The following POLR3B variants were observed in gnomAD, a reference collection of about 807,000 sequenced individuals.
POLR3B encodes the protein DNA-directed RNA polymerase III subunit RPC2.
Under a neutral mutation model 147.4 loss-of-function variants are expected in POLR3B, and 96 were observed. That is an observed-to-expected ratio of 0.65 (90% CI 0.55 to 0.77). POLR3B has a LOEUF of 0.77. Among genes scored for constraint, POLR3B ranks in the 30% least tolerant of loss-of-function variants. The probability of loss-of-function intolerance (pLI) is 0.00; values close to 1 mark genes in which losing one functional copy is unlikely to be tolerated. For missense variants in POLR3B, 1,036 were observed against 1,413.5 expected, an observed-to-expected ratio of 0.73 and a Z score of 4.28; for synonymous variants, 461 against 485.9, an observed-to-expected ratio of 0.95 and a Z score of 0.67.
intron 10 of POLR3B, 98 bp downstream of exon 10, chr12:106,393,251 A>G: frequency 1.3e-6 from 2 of 1,535,788 alleles, no homozygotes; most frequent in Non-Finnish European, 1.8e-6. Flanking sequence ...TTGGGCTCAT[A>G]GATTTGGGAA....
chr12:106,461,622 C>T (rs1381834907), intron 22 of POLR3B, among the ~76,000 whole-genome samples: 1 of 152,182 alleles, frequency 6.6e-6, no homozygotes, highest in Non-Finnish European at 1.5e-5. Flanking sequence ...CCTTGTACCC[C>T]CTAGTCTCTG....
At chr12:106,424,296 A>G (rs1027682776) in intron 12 of POLR3B, among the ~76,000 whole-genome samples, 2 of 152,106 alleles carry the variant, frequency 1.3e-5, no homozygotes, top group Admixed American at 6.6e-5. Flanking sequence ...GGGTGGTGGG[A>G]GTATATCCTA....
intron 11 of POLR3B, among the ~76,000 whole-genome samples, chr12:106,406,237 A>G (rs1234110517): frequency 6.6e-6 from 1 of 152,166 alleles, no homozygotes; most frequent in Non-Finnish European, 1.5e-5. Context: ...TTATATTCAT[A>G]CATACATTAG....
chr12:106,499,544 T>A lies in POLR3B; in HGVS notation c.2985-1779T>A, dbSNP rs895877599. Among the ~76,000 whole-genome samples the A allele has an allele frequency of 5.3e-5, 8 of 152,160 alleles. 1 individual carries two copies. The highest frequency in any genetic ancestry group is 4.6e-4 in the Admixed American group (7 of 15,282). On this transcript the variant is annotated intron_variant, in intron 25 of 27. Coordinates refer to ENST00000228347, the MANE Select transcript of POLR3B (RefSeq NM_018082.6). ...GAACATAGATAGGTAGGAGGAAAAATTGCATATAGCTTTACTCTGTGGATG... is the reference window on the plus strand; with the variant it reads ...GAACATAGATAGGTAGGAGGAAAAAATGCATATAGCTTTACTCTGTGGATG...
chr12:106,485,471 G>A (rs1438532511), intron 23 of POLR3B, among the ~76,000 whole-genome samples: 1 of 152,172 alleles, frequency 6.6e-6, no homozygotes, highest in African/African-American at 2.4e-5. Context: ...GGCAAGGAAG[G>A]GGGCAGGGAG....
chr12:106,359,355 G>A lies in POLR3B; in HGVS notation c.72+1404G>A, dbSNP rs556800233. On this transcript the variant is annotated intron_variant, in intron 1 of 27. Transcript: ENST00000228347. Reference sequence around the variant, plus strand: ...TATTTTTTTTTTTTTTTTTTGAGACGGAGTCTAGCTCTGTCGCCCAGGCTG... The same window carrying A: ...TATTTTTTTTTTTTTTTTTTGAGACAGAGTCTAGCTCTGTCGCCCAGGCTG... 2.1e-4 allele frequency among the ~76,000 whole-genome samples: 28 copies of A among 134,898 alleles called. No homozygotes were observed. The South Asian group carries it at 6.4e-3, about 31-fold the overall frequency. 88.5% of individuals were successfully genotyped at this position (134,898 alleles called of 152,430 possible). A position where few individuals can be genotyped will look rare whatever the true frequency, so the allele number is the denominator to read the frequency against.
At position 106,459,384 on chromosome 12, in the gene POLR3B, G is replaced by A. The variant is rs375321967; in HGVS notation, c.2570+16G>A. 8.0e-7 allele frequency: 1 copy of A among 1,253,682 alleles called. No homozygotes were observed. The highest frequency in any genetic ancestry group is 1.2e-6 in the Non-Finnish European group (1 of 850,934). The allele number at this position is 1,253,682 out of a possible 1,614,324, so 77.7% of individuals were successfully genotyped here. Reference sequence around the variant, plus strand: ...TACCCATAACGTATGTATTGGTTGTGCCCTGGTAATATGTAGAAAGGTTAG... The same window carrying A: ...TACCCATAACGTATGTATTGGTTGTACCCTGGTAATATGTAGAAAGGTTAG... On this transcript the variant is annotated intron_variant, in intron 22 of 27. Transcript: ENST00000228347.
chr12:106,387,590 G>T (rs1312560200), intron 9 of POLR3B, among the ~76,000 whole-genome samples: 1 of 152,000 alleles, frequency 6.6e-6, no homozygotes, highest in African/African-American at 2.4e-5. Flanking sequence ...GTCATAAATG[G>T]TCACTTTTAT....
intron 25 of POLR3B, among the ~76,000 whole-genome samples, chr12:106,499,060 A>G (rs1211571497): frequency 6.6e-6 from 1 of 152,228 alleles, no homozygotes; most frequent in Admixed American, 6.5e-5. Flanking sequence ...AATAATATGG[A>G]TTTCTTAGGT....
intron 18 of POLR3B, among the ~76,000 whole-genome samples, chr12:106,441,974 G>A (rs11112994): frequency 4.9e-4 from 75 of 151,888 alleles, no homozygotes; most frequent in African/African-American, 1.8e-3. Flanking sequence ...CAGCTACTCC[G>A]GAGGCTAAGG....
chr12:106,484,582 C>T (rs1465374835), intron 23 of POLR3B, among the ~76,000 whole-genome samples: 2 of 144,438 alleles, frequency 1.4e-5, no homozygotes, highest in Non-Finnish European at 3.0e-5. Flanking sequence ...TATAGCAAGA[C>T]TCCATTTCAA....
rs368051175 is a variant in POLR3B, at chr12:106,497,136, AT to A, written c.2984+231del. Among the ~76,000 whole-genome samples, 268 of 104,914 alleles carry A rather than the reference AT, an allele frequency of 2.6e-3. 1 individual carries two copies. Among genetic ancestry groups the A allele is most frequent in the African/African-American group, 4.3e-3 (158 of 36,332 alleles). 68.8% of individuals were successfully genotyped at this position (104,914 alleles called of 152,430 possible). On this transcript the variant is annotated intron_variant, in intron 25 of 27. Transcript: ENST00000228347. ...AGTTTTTCATGATTTAAAAAAAAAA[AT>A]TTTTTTTTTTTTAGCTCATCAGCTA...
chr12:106,508,961 G>A (rs1178308535), intron 27 of POLR3B, among the ~76,000 whole-genome samples: 5 of 152,152 alleles, frequency 3.3e-5, no homozygotes, highest in Non-Finnish European at 5.9e-5. Flanking sequence ...ATTGTTGAGC[G>A]CCTTGCCTAG....
At chr12:106,399,931 A>C (rs977276487) in intron 10 of POLR3B, among the ~76,000 whole-genome samples, 28 of 152,194 alleles carry the variant, frequency 1.8e-4, no homozygotes, top group Non-Finnish European at 2.4e-4. Flanking sequence ...ATCAACTAAC[A>C]AGCAAAATAG....
chr12:106,454,744 G>A lies in POLR3B; in HGVS notation c.2293+33G>A, dbSNP rs200374029. The A allele has an allele frequency of 1.9e-4, 234 of 1,216,648 alleles. 2 individuals carry two copies. The highest frequency in any genetic ancestry group is 1.9e-4 in the Middle Eastern group (1 of 5,262). The allele number at this position is 1,216,648 out of a possible 1,614,324, so 75.4% of individuals were successfully genotyped here. Reference sequence around the variant, plus strand: ...AATTTTCAAAACTAACACCAAAGTTGCTTTTTGCAGAATTAGATATAGGGA... The same window carrying A: ...AATTTTCAAAACTAACACCAAAGTTACTTTTTGCAGAATTAGATATAGGGA... On this transcript the variant is annotated intron_variant, in intron 20 of 27. Transcript: ENST00000228347.
chr12:106,481,771 T>A (rs2038271419), intron 23 of POLR3B, among the ~76,000 whole-genome samples: 1 of 152,258 alleles, frequency 6.6e-6, no homozygotes, highest in Non-Finnish European at 1.5e-5. Context: ...ACTAGAAATC[T>A]GTTTATTATT....
intron 23 of POLR3B, among the ~76,000 whole-genome samples, chr12:106,464,479 C>T (rs2037980500): frequency 6.6e-6 from 1 of 152,096 alleles, no homozygotes; most frequent in Non-Finnish European, 1.5e-5. Context: ...ATAGCTTGCC[C>T]AAGGTCACAC....
chr12:106,379,464 G>A (rs990200713), intron 8 of POLR3B, among the ~76,000 whole-genome samples: 6 of 152,196 alleles, frequency 3.9e-5, no homozygotes, highest in African/African-American at 9.6e-5. Context: ...GTAACAATGC[G>A]TAGTAGCAGG....
chr12:106,362,102 CAAG>C (rs961520469), intron 1 of POLR3B, among the ~76,000 whole-genome samples: 11 of 151,882 alleles, frequency 7.2e-5, no homozygotes, highest in Non-Finnish European at 1.5e-4. Flanking sequence ...GCTGCTGAGT[CAAG>C]AAAGTTTTAA....
Sources: gnomAD v4.1 joint callset for allele counts (sites outside exome capture counted in the v4.1 genomes callset) on GRCh38, gnomAD v4.1.1 for gene constraint, MANE v1.5 for transcripts, NCBI Gene and HGNC (gene_info 2026-07-23, HGNC 2026-07-21) for gene names.